ATG10: variants seen among roughly 807,000 people sequenced by gnomAD.
The protein encoded by ATG10 is autophagy related 10.
In ATG10, 30 loss-of-function variants were observed where a neutral mutation model predicts 32.1. The observed-to-expected ratio is 0.94, with a 90% CI of 0.70 to 1.27. ATG10 has a LOEUF of 1.27. ATG10 is among the 50% of genes most tolerant of loss of function. The pLI, the probability that ATG10 is intolerant of heterozygous loss-of-function variation, is 0.00. For missense variants in ATG10, 233 were observed against 262.3 expected, an observed-to-expected ratio of 0.89 and a Z score of 0.77; for synonymous variants, 87 against 91.5, an observed-to-expected ratio of 0.95 and a Z score of 0.28.
chr5:82,009,974 G>A (rs1175879850), intron 2 of ATG10: 1 of 1,611,406 alleles, frequency 6.2e-7, no homozygotes, highest in African/African-American at 1.3e-5. Context: ...TCTCTCCAGT[G>A]CTCAGAGCAT....
intron 5 of ATG10, among the ~76,000 whole-genome samples, chr5:82,225,430 G>A (rs1746087851): frequency 6.6e-6 from 1 of 152,156 alleles, no homozygotes; most frequent in Non-Finnish European, 1.5e-5. Context: ...CCAGCTGTTT[G>A]CAGATCATCA....
At chr5:82,037,438 G>A (rs1486148031) in intron 2 of ATG10, among the ~76,000 whole-genome samples, 1 of 148,766 alleles carries the variant, frequency 6.7e-6, no homozygotes, top group Non-Finnish European at 1.5e-5. Context: ...TAGTAGAGAC[G>A]GGGTTTCACC....
intron 3 of ATG10, among the ~76,000 whole-genome samples, chr5:82,149,578 T>G (rs1257009181): frequency 6.6e-6 from 1 of 152,158 alleles, no homozygotes; most frequent in Non-Finnish European, 1.5e-5. Context: ...ACCACACTAC[T>G]ACTGTTTGTT....
intron 1 of ATG10, chr5:81,972,622 C>G (rs1357580352): frequency 6.6e-6 from 1 of 152,230 alleles, no homozygotes; most frequent in Non-Finnish European, 1.5e-5. Flanking sequence ...GTTTAAAATC[C>G]ACATACTGAT....
rs1561337766 is a variant in ATG10, at chr5:82,170,148, ACAAGGTAAGT to A, written c.355+5612_355+5621del. 3.3e-4 allele frequency among the ~76,000 whole-genome samples: 50 copies of A among 152,376 alleles called. 1 individual carries two copies. The highest frequency in any genetic ancestry group is 1.1e-3 in the African/African-American group (45 of 41,586). ...ACCCAGAGGCTTGGGAGAGAAAATA[ACAAGGTAAGT>A]ACATTAATTTTATTAACCTGTAAGC... On this transcript the variant is annotated intron_variant, in intron 4 of 7. Transcript: ENST00000282185.
At chr5:82,141,222 A>C (rs1001780002) in intron 3 of ATG10, among the ~76,000 whole-genome samples, 5 of 150,418 alleles carry the variant, frequency 3.3e-5, no homozygotes, top group East Asian at 1.9e-4. Flanking sequence ...ATTATCAATA[A>C]AAAAATAAAT....
At chr5:81,983,187 TC>T (rs1761112937) in intron 1 of ATG10, among the ~76,000 whole-genome samples, 1 of 109,888 alleles carries the variant, frequency 9.1e-6, no homozygotes. Flanking sequence ...GGGGGACTGA[TC>T]CCCCCACCTC....
At chr5:82,214,835 C>T (rs1417066092) in intron 5 of ATG10, among the ~76,000 whole-genome samples, 1 of 152,120 alleles carries the variant, frequency 6.6e-6, no homozygotes, top group Admixed American at 6.5e-5. Context: ...ACAGGATAAT[C>T]TTCTCCTGGG....
intron 4 of ATG10, among the ~76,000 whole-genome samples, chr5:82,174,206 A>T (rs1743920145): frequency 6.6e-6 from 1 of 152,160 alleles, no homozygotes; most frequent in African/African-American, 2.4e-5. Context: ...TTGATGATGA[A>T]GGTGTGAACT....
intron 2 of ATG10, among the ~76,000 whole-genome samples, chr5:82,010,995 A>G (rs929312387): frequency 1.3e-5 from 2 of 152,242 alleles, no homozygotes; most frequent in South Asian, 2.1e-4. Flanking sequence ...ACTTGGAGCT[A>G]AAACTGAAAT....
chr5:81,993,379 T>TTC lies in ATG10; in HGVS notation c.108+5702_108+5703insCT, dbSNP rs1482403123. Among the ~76,000 whole-genome samples the TTC allele has an allele frequency of 1.5e-3, 90 of 58,332 alleles. 1 individual carries two copies. Among genetic ancestry groups the TTC allele is most frequent in the African/African-American group, 8.2e-3 (75 of 9,200 alleles). 38.3% of individuals were successfully genotyped at this position (58,332 alleles called of 152,430 possible). A position where few individuals can be genotyped will look rare whatever the true frequency, so the allele number is the denominator to read the frequency against. ...TCTTTCCTTCTTTTCTTTTCTTTTC[T>TTC]TTTCTTTTCTTTTTTTTTCTTTTCT... On this transcript the variant is annotated intron_variant, in intron 2 of 7. Transcript: ENST00000282185.
rs1274401834 is a variant in ATG10 at position 82,187,596 on chromosome 5, G to A, written c.453+9009G>A. ...GTAATTTATTTTCTTTCTTTTTTTT[G>A]AAACTGTGTTTCGCTCTTGTTGCCC... is the stretch of plus-strand genomic sequence containing the variant. On this transcript the variant is annotated intron_variant, in intron 5 of 7. Transcript: ENST00000282185. 3.6e-5 allele frequency among the ~76,000 whole-genome samples: 5 copies of A among 140,700 alleles called. No individual in the cohort carries two copies. The East Asian group carries it at 1.1e-3, about 30-fold the overall frequency. 92.3% of individuals were successfully genotyped at this position (140,700 alleles called of 152,430 possible).
chr5:82,009,826 G>A (rs11749793), intron 2 of ATG10: 1 of 1,606,938 alleles, frequency 6.2e-7, no homozygotes, highest in Non-Finnish European at 8.5e-7. Flanking sequence ...GTATGCTTTA[G>A]GATGAAGTTC....
intron 2 of ATG10, among the ~76,000 whole-genome samples, chr5:82,005,538 G>A (rs1305086120): frequency 6.6e-6 from 1 of 152,086 alleles, no homozygotes; most frequent in African/African-American, 2.4e-5. Flanking sequence ...CGGGTGATCC[G>A]CCTGCCTGTG....
At chr5:82,029,653 A>G (rs10214208) in intron 2 of ATG10, among the ~76,000 whole-genome samples, 8,887 of 152,272 alleles carry the variant, frequency 0.058, 320 homozygotes, top group African/African-American at 0.1. Flanking sequence ...AGCATGACGA[A>G]CCAGACTAAG....
At chr5:82,083,814 C>A (rs1251027906) in intron 3 of ATG10, among the ~76,000 whole-genome samples, 4 of 152,112 alleles carry the variant, frequency 2.6e-5, no homozygotes, top group Non-Finnish European at 4.4e-5. Context: ...ACACCAAAAC[C>A]CCATCTGTAT....
At chr5:82,020,804 C>T (rs1237828138) in intron 2 of ATG10, among the ~76,000 whole-genome samples, 2 of 151,836 alleles carry the variant, frequency 1.3e-5, no homozygotes, top group South Asian at 4.2e-4. Context: ...AGAGTTATTG[C>T]GAGAAGGCAA....
chr5:82,236,942 T>G (rs1039914577), intron 5 of ATG10, among the ~76,000 whole-genome samples: 3 of 152,204 alleles, frequency 2.0e-5, no homozygotes, highest in African/African-American at 7.2e-5. Flanking sequence ...TTTCTATGTA[T>G]ATTCTCATAT....
Position 82,245,621 on chromosome 5 carries a change from T to C in ATG10, c.454-6941T>C, listed in dbSNP as rs184506622. On this transcript the variant is annotated intron_variant, in intron 5 of 7. Transcript: ENST00000282185. ...AATTTAAAATTATCAGAAGATTTAA[T>C]GTTTGATAAATGAGTGAATGATATA... Among the ~76,000 whole-genome samples the C allele has an allele frequency of 1.2e-4, 18 of 152,348 alleles. No homozygotes were observed. The Middle Eastern group carries it at 0.01, about 86-fold the overall frequency.
Sources: gnomAD v4.1 joint callset for allele counts (sites outside exome capture counted in the v4.1 genomes callset) on GRCh38, gnomAD v4.1.1 for gene constraint, MANE v1.5 for transcripts, NCBI Gene and HGNC (gene_info 2026-07-23, HGNC 2026-07-21) for gene names.